Variants in PCDH15 observed in about 807,000 individuals in gnomAD.
The protein encoded by PCDH15 is protocadherin related 15, also known as protocadherin-15.
Under a neutral mutation model 178.5 loss-of-function variants are expected in PCDH15, and 129 were observed. That is an observed-to-expected ratio of 0.72 (90% CI 0.63 to 0.84). PCDH15 has a LOEUF of 0.84. PCDH15 is among the 40% of genes least tolerant of loss of function. The pLI, the probability that PCDH15 is intolerant of heterozygous loss-of-function variation, is 0.00. For synonymous variants in PCDH15, 800 were observed against 732.0 expected (o/e 1.09, Z -1.50); for missense variants, 2,230 against 2,099.9 (o/e 1.06, Z -1.21).
At chr10:53,974,369 A>G (rs1323341653) in intron 21 of PCDH15, among the ~76,000 whole-genome samples, 1 of 152,158 alleles carries the variant, frequency 6.6e-6, no homozygotes, top group Non-Finnish European at 1.5e-5. Context: ...TTTCCATTAG[A>G]TAAAATATAC....
chr10:55,334,813 A>C (rs1844335489), intron 2 of PCDH15, among the ~76,000 whole-genome samples: 1 of 152,170 alleles, frequency 6.6e-6, no homozygotes, highest in Non-Finnish European at 1.5e-5. Context: ...ACATGGCTCT[A>C]TGGAGAAAAT....
intron 3 of PCDH15, among the ~76,000 whole-genome samples, chr10:54,455,801 G>A (rs555958553): frequency 3.9e-5 from 6 of 152,174 alleles, no homozygotes; most frequent in South Asian, 4.1e-4. Context: ...CCCCTCTTCC[G>A]ACAACCCATG....
At chr10:54,148,578 G>C (rs55808869) in intron 14 of PCDH15, among the ~76,000 whole-genome samples, 4,490 of 151,924 alleles carry the variant, frequency 0.03, 85 homozygotes, top group Middle Eastern at 0.082. Flanking sequence ...TGGAAGCCGT[G>C]GATATGGAGG....
At chr10:54,558,958 A>T (rs1469188744) in intron 2 of PCDH15, among the ~76,000 whole-genome samples, 3 of 152,048 alleles carry the variant, frequency 2.0e-5, no homozygotes, top group Non-Finnish European at 2.9e-5. Context: ...TTCAAATAAG[A>T]TACAGAGATA....
intron 26 of PCDH15, among the ~76,000 whole-genome samples, chr10:53,894,782 C>T (rs1470055452): frequency 6.6e-6 from 1 of 152,158 alleles, no homozygotes; most frequent in Non-Finnish European, 1.5e-5. Flanking sequence ...TTTTAAAGGG[C>T]ACCTGCTTCT....
chr10:54,264,831 C>T (rs1481580582), intron 8 of PCDH15, among the ~76,000 whole-genome samples: 2 of 152,048 alleles, frequency 1.3e-5, no homozygotes, highest in Non-Finnish European at 2.9e-5. Context: ...ACTTGGAAAA[C>T]ATACCTGAGG....
intron 3 of PCDH15, among the ~76,000 whole-genome samples, chr10:54,467,122 T>G (rs561542990): frequency 5.9e-5 from 9 of 152,108 alleles, no homozygotes; most frequent in Non-Finnish European, 1.0e-4. Flanking sequence ...TAACTTTTTC[T>G]TTTCCAGTTC....
chr10:55,110,561 G>C (rs1390512094), intron 2 of PCDH15, among the ~76,000 whole-genome samples: 1 of 151,724 alleles, frequency 6.6e-6, no homozygotes, highest in African/African-American at 2.4e-5. Context: ...TGTTAGGTTA[G>C]TCTTCTGAGA....
chr10:54,716,573 A>G (rs111302064), intron 1 of PCDH15, among the ~76,000 whole-genome samples: 18,385 of 151,646 alleles, frequency 0.12, 1,230 homozygotes, highest in African/African-American at 0.17. Flanking sequence ...TCTGTTATTG[A>G]TATATAAGAA....
rs1339472776 is a variant in PCDH15, at chr10:54,655,189, C to CG, written c.91+8982_91+8983insC. On this transcript the variant is annotated intron_variant, in intron 2 of 37. Coordinates refer to ENST00000644397, the MANE Select transcript of PCDH15 (RefSeq NM_001384140.1). ...TCGCGCCACTGCACTCCAGCCTGGG[C>CG]ACAGAGCGAGACTCCGTCAAAAAAA... Among the ~76,000 whole-genome samples the CG allele has an allele frequency of 6.2e-5, 9 of 144,228 alleles. No individual in the cohort carries two copies. The East Asian group carries it at 6.4e-4, about 10-fold the overall frequency. The allele number at this position is 144,228 out of a possible 152,430, so 94.6% of individuals were successfully genotyped here.
chr10:54,876,063 T>G (rs1954134344), intron 3 of PCDH15, among the ~76,000 whole-genome samples: 1 of 152,128 alleles, frequency 6.6e-6, no homozygotes, highest in Admixed American at 6.6e-5. Flanking sequence ...ATATAGCTTG[T>G]GACTTTAAGT....
At chr10:54,182,806 ATAT>A (rs1029736412) in intron 13 of PCDH15, among the ~76,000 whole-genome samples, 1 of 152,034 alleles carries the variant, frequency 6.6e-6, no homozygotes, top group African/African-American at 2.4e-5. Flanking sequence ...AAGATTTAAT[ATAT>A]TCAGTATTTT....
At chr10:55,553,850 C>T (rs10825542) in intron 2 of PCDH15, among the ~76,000 whole-genome samples, 51,132 of 151,510 alleles carry the variant, frequency 0.34, 8,940 homozygotes, top group East Asian at 0.49. Context: ...AATGACGATG[C>T]TGATATCTAT....
At chr10:55,033,720 A>G (rs1180714983) in intron 2 of PCDH15, among the ~76,000 whole-genome samples, 1 of 152,136 alleles carries the variant, frequency 6.6e-6, no homozygotes, top group Non-Finnish European at 1.5e-5. Context: ...GAGTTTTTGG[A>G]GCTATTAAGA....
At chr10:54,343,712 G>T (rs368875708) in intron 6 of PCDH15, among the ~76,000 whole-genome samples, 2 of 151,654 alleles carry the variant, frequency 1.3e-5, no homozygotes, top group Admixed American at 1.3e-4. Context: ...GAGTTAACAG[G>T]TGCAGCACAC....
intron 2 of PCDH15, among the ~76,000 whole-genome samples, chr10:55,528,109 T>C (rs1473688039): frequency 3.9e-5 from 6 of 152,184 alleles, no homozygotes; most frequent in East Asian, 1.9e-4. Context: ...CAATTGTGGC[T>C]CACTCTAGAC....
At chr10:55,442,285 G>T (rs576403000) in intron 2 of PCDH15, among the ~76,000 whole-genome samples, 111 of 150,840 alleles carry the variant, frequency 7.4e-4, no homozygotes, top group Admixed American at 1.5e-3. Context: ...CTTATTCTAG[G>T]ATTGCATGCA....
intron 14 of PCDH15, among the ~76,000 whole-genome samples, chr10:54,148,327 T>C (rs1265511173): frequency 1.3e-5 from 2 of 151,984 alleles, no homozygotes; most frequent in Non-Finnish European, 2.9e-5. Context: ...GATACTAAAA[T>C]CTGCAGATAA....
chr10:54,627,231 T>G (rs59308994), intron 2 of PCDH15, among the ~76,000 whole-genome samples: 1,822 of 152,190 alleles, frequency 0.012, 33 homozygotes, highest in African/African-American at 0.041. Context: ...TCTGGGGGAC[T>G]CTCGGGAAGG....
Sources: allele counts gnomAD v4.1 joint callset (sites outside exome capture counted in the v4.1 genomes callset), GRCh38; gene constraint gnomAD v4.1.1; transcripts MANE v1.5; gene names NCBI Gene and HGNC (gene_info 2026-07-23, HGNC 2026-07-21).